The following TULP2 variants were observed in gnomAD, a reference collection of about 807,000 sequenced individuals.
The protein encoded by TULP2 is TUB like protein 2.
Under a neutral mutation model 60.3 loss-of-function variants are expected in TULP2, and 64 were observed. That is an observed-to-expected ratio of 1.06 (90% CI 0.87 to 1.31). The LOEUF is 1.31. Ranked by LOEUF, TULP2 falls within the 50% of genes most tolerant of loss-of-function variation. The pLI, the probability that TULP2 is intolerant of heterozygous loss-of-function variation, is 0.00. For missense variants in TULP2, 652 were observed against 667.0 expected (o/e 0.98, Z 0.25); for synonymous variants, 267 against 265.4 (o/e 1.01, Z -0.06).
chr19:48,889,005 T>C (rs1568572665), intron 7 of TULP2, among the ~76,000 whole-genome samples: 1 of 150,620 alleles, frequency 6.6e-6, no homozygotes, highest in Non-Finnish European at 1.5e-5. Flanking sequence ...TTTTTTTTTT[T>C]GGACAGTCTC....
Position 48,882,187 on chromosome 19 carries a change from A to T in TULP2, c.1292T>A (p.Leu431Gln), listed in dbSNP as rs774917369. The T allele has an allele frequency of 3.1e-6, 5 of 1,614,170 alleles. No individual in the cohort carries two copies. The highest frequency in any genetic ancestry group is 3.4e-6 in the Non-Finnish European group (4 of 1,180,022). Residue 431 changes from leucine to glutamine, a missense_variant, in exon 12 of 13, where the codon CTG becomes CAG. Physicochemically the swap from Leu to Gln is moderately radical, Grantham distance 113. Coordinates refer to ENST00000221399, the MANE Select transcript of TULP2 (RefSeq NM_003323.3). The stretch of plus-strand genomic sequence containing the variant: ...TTTGTCCCCACGTTGGTAACGACTC[A>T]GTAGCGACTCCTGTTCCTAGAAGGT... Reference protein sequence around the residue: ...VQPLNEQESLLSRYQRGDKQG... With the variant: ...VQPLNEQESLQSRYQRGDKQG...
rs758744399 is a variant in TULP2 at position 48,883,784 on chromosome 19, C to T, written c.1245G>A (p.Gln415=). 6.2e-7 allele frequency: 1 copy of T among 1,614,114 alleles called. No individual in the cohort carries two copies. The highest frequency in any genetic ancestry group is 8.5e-7 in the Non-Finnish European group (1 of 1,180,040). ...GTGGCTGGACATTGATTCGCTGGTT[C>T]TGGCTGTTGGTTCCTGGGAGAATCA... ...MTVILPGTNS[Q]NQRINVQPLN... Residue 415 remains glutamine, a synonymous_variant, in exon 11 of 13, where the codon CAG becomes CAA. Transcript: ENST00000221399.
intron 8 of TULP2, among the ~76,000 whole-genome samples, 196 bp from the exon 9 acceptor site, chr19:48,885,756 G>A (rs1439795797): frequency 4.6e-5 from 7 of 151,870 alleles, no homozygotes; most frequent in East Asian, 1.9e-4. Flanking sequence ...GTGGTAGTGC[G>A]TGCCTATAGT....
Position 48,888,266 on chromosome 19 carries a change from C to A in TULP2, c.637-5G>T. The A allele has an allele frequency of 1.3e-6, 2 of 1,576,176 alleles. No homozygotes were observed. Among genetic ancestry groups the A allele is most frequent in the Non-Finnish European group, 1.7e-6 (2 of 1,157,240 alleles). ...CTTCTTTTCCAAGTCTTCTTCCTAG[C>A]CCAGGCACCAAATTTAAAGTCGAGG... On this transcript the variant is annotated splice_polypyrimidine_tract_variant and splice_region_variant and intron_variant, in intron 7 of 12. Transcript: ENST00000221399.
rs867428349 is a variant in TULP2, at chr19:48,896,534, T to C, written c.107A>G (p.Gln36Arg). ...EQQRRLFEKK[Q>R]RQKRQELLMV... Reference sequence around the variant, plus strand: ...GAGGAGCTCCTGGCGCTTCTGTCGCTGCTTCTTTTCAAACAGCCGCCGCTG... The same window carrying C: ...GAGGAGCTCCTGGCGCTTCTGTCGCCGCTTCTTTTCAAACAGCCGCCGCTG... Residue 36 changes from glutamine (Q) to arginine (R), a missense_variant, in exon 4 of 13, where the codon CAG becomes CGG. Gln to Arg is a conservative substitution (Grantham distance 43). Transcript: ENST00000221399. The C allele has an allele frequency of 5.0e-6, 8 of 1,602,570 alleles. No homozygotes were observed. The African/African-American group carries it at 9.4e-5, about 19-fold the overall frequency.
At chr19:48,895,344 AG>A (rs1161141945) in intron 5 of TULP2, 21 bp downstream of exon 5, 1 of 1,611,386 alleles carries the variant, frequency 6.2e-7, no homozygotes, top group Non-Finnish European at 8.5e-7. Flanking sequence ...GGGGTCTAGG[AG>A]GTCGGTGGAC....
chr19:48,883,735 C>A lies in TULP2; in HGVS notation c.1275+19G>T, dbSNP rs773072651. ...CCCCTTCTCCATTGACCCAGAGATTCCTGATGTCAGGGACTCACATTTAGT... is the reference window on the plus strand; with the variant it reads ...CCCCTTCTCCATTGACCCAGAGATTACTGATGTCAGGGACTCACATTTAGT... On this transcript the variant is annotated intron_variant, in intron 11 of 12. Transcript: ENST00000221399. The A allele has an allele frequency of 6.8e-6, 11 of 1,613,314 alleles. No individual in the cohort carries two copies. The highest frequency in any genetic ancestry group is 8.5e-6 in the Non-Finnish European group (10 of 1,179,732).
At chr19:48,896,393 C>G in intron 4 of TULP2, 37 bp downstream of exon 4, 4 of 1,565,482 alleles carry the variant, frequency 2.6e-6, no homozygotes, top group East Asian at 2.3e-5. Context: ...ACAGGCCCCT[C>G]CCCTCCAGGC....
In TULP2 at chr19:48,883,948, A is replaced by T; in HGVS notation, c.1160T>A (p.Leu387Gln). The T allele has an allele frequency of 6.2e-7, 1 of 1,614,038 alleles. No individual in the cohort carries two copies. Among genetic ancestry groups the T allele is most frequent in the African/African-American group, 1.3e-5 (1 of 74,984 alleles). The stretch of plus-strand genomic sequence containing the variant: ...GACACTCACATAACACACAGCCCCC[A>T]GCTCCTGTCTGATCCGGGCAGTATT... Reference protein sequence around the residue: ...TRNTARIRQELGAVCYEPNVL... With the variant: ...TRNTARIRQEQGAVCYEPNVL... Residue 387 changes from leucine to glutamine, a missense_variant, in exon 10 of 13, where the codon CTG becomes CAG. By Grantham distance (113) the Leu-to-Gln change is moderately radical. Transcript: ENST00000221399.
At chr19:48,894,361 G>A (rs930947967) in intron 6 of TULP2, among the ~76,000 whole-genome samples, 6 of 151,900 alleles carry the variant, frequency 3.9e-5, no homozygotes, top group African/African-American at 1.5e-4. Context: ...GCTATTTACG[G>A]GCCAGGCATG....
At position 48,883,658 on chromosome 19, in the gene TULP2, CTCTTCCTCCTCTTCT is replaced by C. The variant is rs371033735; in HGVS notation, c.1275+81_1275+95del. 1.7e-3 allele frequency: 2,414 copies of C among 1,409,120 alleles called. 25 individuals carry two copies. In the African/African-American group the frequency reaches 0.025, roughly 15 times the overall value. The allele number at this position is 1,409,120 out of a possible 1,614,324, so 87.3% of individuals were successfully genotyped here. A position where few individuals can be genotyped will look rare whatever the true frequency, so the allele number is the denominator to read the frequency against. On this transcript the variant is annotated intron_variant, in intron 11 of 12. Transcript: ENST00000221399. ...GTGACACCTGCAACCCACTGGCCTCCTCTTCCTCCTCTTCTTCTTCCTCCTCTGGGATCTAGGAGG... is the reference window on the plus strand; with the variant it reads ...GTGACACCTGCAACCCACTGGCCTCCTCTTCCTCCTCTGGGATCTAGGAGG...
chr19:48,881,371 G>A (rs1009012598), intron 12 of TULP2, among the ~76,000 whole-genome samples: 6 of 143,852 alleles, frequency 4.2e-5, no homozygotes, highest in Admixed American at 7.0e-5. Context: ...CACCACGTCC[G>A]GCTAATTTTT....
Position 48,886,584 on chromosome 19 carries a change from C to T in TULP2, c.949-1024G>A, listed in dbSNP as rs115665519. 8.0e-3 allele frequency among the ~76,000 whole-genome samples: 1,211 copies of T among 151,854 alleles called. 20 individuals are homozygous for T. Among genetic ancestry groups the T allele is most frequent in the African/African-American group, 0.027 (1,117 of 41,402 alleles). On this transcript the variant is annotated intron_variant, in intron 8 of 12. Transcript: ENST00000221399. The stretch of plus-strand genomic sequence containing the variant: ...CTTTCTAGGGGGAGAGAGGATACCC[C>T]GAGGAGAGGAGACCATACTTGCAGG...
intron 3 of TULP2, 83 bp from the exon 4 acceptor site, chr19:48,896,639 G>C: frequency 6.9e-7 from 1 of 1,453,000 alleles, no homozygotes; most frequent in Middle Eastern, 2.1e-4. Context: ...GCAAGGGCTC[G>C]CATCGGCGCG....
In TULP2 at chr19:48,881,008, C is replaced by G. The variant is rs1309341971; in HGVS notation, c.*3G>C. 1 of 1,609,752 alleles carries G rather than the reference C, an allele frequency of 6.2e-7. No individual in the cohort carries two copies. Among genetic ancestry groups the G allele is most frequent in the Admixed American group, 1.7e-5 (1 of 59,854 alleles). On this transcript the variant is annotated 3_prime_UTR_variant, in exon 13 of 13. Coordinates refer to ENST00000221399, the MANE Select transcript of TULP2 (RefSeq NM_003323.3). ...TTTTATTGAGTTATTCAACAGCCAG[C>G]TTCTAATTGAAACTGGACAAGCAGA...
In TULP2 at chr19:48,883,046, C is replaced by T. The variant is rs893375088; in HGVS notation, c.1275+708G>A. ...CATCCTGACTAACACAGTGAAACCC[C>T]GGCTCTACTAAAAATATAAAAAATT... On this transcript the variant is annotated intron_variant, in intron 11 of 12. Coordinates refer to ENST00000221399, the MANE Select transcript of TULP2 (RefSeq NM_003323.3). Among the ~76,000 whole-genome samples, 8 of 151,998 alleles carry T rather than the reference C, an allele frequency of 5.3e-5. 1 individual carries two copies. The highest frequency in any genetic ancestry group is 1.2e-4 in the Non-Finnish European group (8 of 68,010).
At chr19:48,890,823 T>C (rs891636542) in intron 6 of TULP2, among the ~76,000 whole-genome samples, 1 of 152,100 alleles carries the variant, frequency 6.6e-6, no homozygotes, top group Non-Finnish European at 1.5e-5. Flanking sequence ...AGGGAGGGGT[T>C]AGGGTCTTTC....
chr19:48,882,259 G>T, intron 11 of TULP2, 56 bp from the exon 12 acceptor site: 2 of 1,596,386 alleles, frequency 1.3e-6, no homozygotes, highest in South Asian at 1.1e-5. Flanking sequence ...ACTCCATCTT[G>T]AACAGGGGCG....
intron 7 of TULP2, 152 bp downstream of exon 7, chr19:48,889,358 G>C: frequency 7.8e-7 from 1 of 1,277,622 alleles, no homozygotes; most frequent in East Asian, 2.5e-5. Context: ...ACGCACGCAC[G>C]CACGCACGCA....
Sources: gnomAD v4.1 joint callset for allele counts (sites outside exome capture counted in the v4.1 genomes callset) on GRCh38, gnomAD v4.1.1 for gene constraint, MANE v1.5 for transcripts, NCBI Gene and HGNC (gene_info 2026-07-23, HGNC 2026-07-21) for gene names.